The following CCDC102B variants were observed in gnomAD, a reference collection of about 807,000 sequenced individuals.
The protein encoded by CCDC102B is coiled-coil domain-containing protein 102B.
CCDC102B carries 75 observed loss-of-function variants against 57.4 expected under a neutral mutation model. The ratio of observed to expected loss-of-function variants is 1.31; its 90% confidence interval spans 1.08 to 1.58. The LOEUF is 1.58. CCDC102B is among the 40% of genes most tolerant of loss of function. The pLI is 0.00. For missense variants in CCDC102B, 636 were observed against 582.6 expected, an observed-to-expected ratio of 1.09 and a Z score of -0.94; for synonymous variants, 206 against 201.9, an observed-to-expected ratio of 1.02 and a Z score of -0.17.
chr18:68,746,779 T>A (rs1052363128), intron 2 of CCDC102B, among the ~76,000 whole-genome samples: 1 of 151,994 alleles, frequency 6.6e-6, no homozygotes, highest in African/African-American at 2.4e-5. Context: ...AATTGAGATA[T>A]AAAAACCATA....
chr18:68,866,758 C>T (rs1462823502), intron 4 of CCDC102B: 18 of 637,596 alleles, frequency 2.8e-5, no homozygotes, highest in Admixed American at 1.1e-4. Context: ...TTTGAGTGCA[C>T]GGGTCTGTCT....
At chr18:68,968,377 A>G (rs1486355050) in intron 6 of CCDC102B, among the ~76,000 whole-genome samples, 3 of 152,160 alleles carry the variant, frequency 2.0e-5, no homozygotes, top group Non-Finnish European at 4.4e-5. Flanking sequence ...TAAACTTCTT[A>G]TTTTGAAATA....
intron 6 of CCDC102B, among the ~76,000 whole-genome samples, chr18:68,930,039 C>T (rs1011782298): frequency 2.6e-5 from 4 of 151,370 alleles, no homozygotes; most frequent in Non-Finnish European, 5.9e-5. Flanking sequence ...ATTTCATTTT[C>T]CTCTAACATC....
At chr18:68,837,443 C>T in intron 2 of CCDC102B, 74 bp downstream of exon 2, 1 of 1,404,608 alleles carries the variant, frequency 7.1e-7, no homozygotes, top group Non-Finnish European at 9.7e-7. Context: ...AAGGAAGTGA[C>T]AAATGCAATG....
chr18:68,838,265 G>A (rs1240725562), intron 2 of CCDC102B, among the ~76,000 whole-genome samples: 3 of 152,132 alleles, frequency 2.0e-5, no homozygotes, highest in African/African-American at 7.2e-5. Flanking sequence ...CAATAAGCAA[G>A]CTTTTTAAAA....
chr18:68,853,325 A>G (rs1231814135), intron 4 of CCDC102B, among the ~76,000 whole-genome samples: 1 of 141,646 alleles, frequency 7.1e-6, no homozygotes, highest in Non-Finnish European at 1.5e-5. Context: ...AATATTCCAA[A>G]TAAGAAATAG....
At chr18:68,987,694 T>G (rs2145313299) in intron 6 of CCDC102B, among the ~76,000 whole-genome samples, 1 of 151,368 alleles carries the variant, frequency 6.6e-6, no homozygotes, top group Non-Finnish European at 1.5e-5. Context: ...ACGAACTTAA[T>G]AAGTGAAAAA....
intron 4 of CCDC102B, among the ~76,000 whole-genome samples, chr18:68,860,412 C>A: frequency 1.3e-5 from 1 of 77,556 alleles, no homozygotes; most frequent in Non-Finnish European, 2.9e-5. Context: ...TGTAACTAAC[C>A]TGCACAATGT....
intron 7 of CCDC102B, among the ~76,000 whole-genome samples, chr18:69,038,279 A>G (rs1347344818): frequency 6.6e-6 from 1 of 151,944 alleles, no homozygotes; most frequent in Non-Finnish European, 1.5e-5. Flanking sequence ...ATAATTAAAC[A>G]TAATATTTTC....
intron 6 of CCDC102B, among the ~76,000 whole-genome samples, chr18:68,988,514 C>G (rs1354195529): frequency 6.7e-6 from 1 of 150,218 alleles, no homozygotes; most frequent in Non-Finnish European, 1.5e-5. Context: ...TGTAATAAAC[C>G]CACACATGTA....
chr18:68,989,901 T>C (rs1243074863), intron 6 of CCDC102B, among the ~76,000 whole-genome samples: 2 of 152,172 alleles, frequency 1.3e-5, no homozygotes, highest in Admixed American at 6.5e-5. Flanking sequence ...GTCCCTTCCA[T>C]ACAGAATTCT....
At chr18:68,943,491 ATAAT>A (rs907091045) in intron 6 of CCDC102B, among the ~76,000 whole-genome samples, 6 of 152,160 alleles carry the variant, frequency 3.9e-5, no homozygotes, top group African/African-American at 1.4e-4. Flanking sequence ...TTGTAAATAA[ATAAT>A]TAAGTACTTT....
intron 5 of CCDC102B, among the ~76,000 whole-genome samples, chr18:68,892,467 C>T (rs990995102): frequency 6.6e-6 from 1 of 152,154 alleles, no homozygotes; most frequent in African/African-American, 2.4e-5. Context: ...GTCTCTGCTG[C>T]CCTCAGACAT....
At chr18:68,760,642 C>T (rs561911919) in intron 2 of CCDC102B, among the ~76,000 whole-genome samples, 37 of 152,122 alleles carry the variant, frequency 2.4e-4, no homozygotes, top group African/African-American at 8.2e-4. Flanking sequence ...CACATTGTCA[C>T]TATAAAAGCA....
In CCDC102B at chr18:68,810,697, T is replaced by TG. The variant is rs1568263293; in HGVS notation, c.-16+12516_-16+12517insG. On this transcript the variant is annotated intron_variant, in intron 1 of 7. Transcript: ENST00000360242. ...TTTTCTTTGTTTTTTTTTTTTTTTT[T>TG]TTTTTTTTTTATGCTTTAAGTTCTA... 2.8e-5 allele frequency among the ~76,000 whole-genome samples: 4 copies of TG among 144,020 alleles called. No homozygotes were observed. The East Asian group carries it at 7.9e-4, about 29-fold the overall frequency. The allele number at this position is 144,020 out of a possible 152,430, so 94.5% of individuals were successfully genotyped here. A position where few individuals can be genotyped will look rare whatever the true frequency, so the allele number is the denominator to read the frequency against.
chr18:68,804,747 G>T (rs1290194346), intron 1 of CCDC102B, among the ~76,000 whole-genome samples: 1 of 152,118 alleles, frequency 6.6e-6, no homozygotes, highest in Non-Finnish European at 1.5e-5. Context: ...GCAAACTAGA[G>T]TTGAAAATGA....
At chr18:68,884,927 A>T (rs1213603675) in intron 5 of CCDC102B, among the ~76,000 whole-genome samples, 1 of 151,848 alleles carries the variant, frequency 6.6e-6, no homozygotes, top group East Asian at 1.9e-4. Flanking sequence ...GTATATGCTA[A>T]TTTGCTAAAC....
At chr18:68,836,296 T>A (rs1221967757) in intron 1 of CCDC102B, among the ~76,000 whole-genome samples, 1 of 152,166 alleles carries the variant, frequency 6.6e-6, no homozygotes, top group Non-Finnish European at 1.5e-5. Context: ...AGTGTTTAAA[T>A]TCCTCTGTAT....
chr18:68,925,365 T>A (rs1784077219), intron 6 of CCDC102B, among the ~76,000 whole-genome samples: 1 of 151,906 alleles, frequency 6.6e-6, no homozygotes, highest in African/African-American at 2.4e-5. Context: ...TTCCAGGTGA[T>A]TCAAATATAC....
Sources: gnomAD v4.1 joint callset for allele counts (sites outside exome capture counted in the v4.1 genomes callset) on GRCh38, gnomAD v4.1.1 for gene constraint, MANE v1.5 for transcripts, NCBI Gene and HGNC (gene_info 2026-07-23, HGNC 2026-07-21) for gene names.